The following MARK2 variants were observed in gnomAD, a reference collection of about 807,000 sequenced individuals.
MARK2 encodes microtubule affinity regulating kinase 2, also known as serine/threonine-protein kinase MARK2.
In MARK2, 16 loss-of-function variants were observed where a neutral mutation model predicts 89.8. The observed-to-expected ratio is 0.18, with a 90% confidence interval of 0.12 to 0.27. The LOEUF is 0.27. Ranked by LOEUF, MARK2 falls within the 10% of genes least tolerant of loss-of-function variation. The pLI is 1.00. For synonymous variants in MARK2, 382 were observed against 399.5 expected (o/e 0.96, Z 0.52); for missense variants, 621 against 1,049.9 (o/e 0.59, Z 5.65).
At chr11:63,866,841 G>A (rs1938162343) in intron 1 of MARK2, among the ~76,000 whole-genome samples, 1 of 152,080 alleles carries the variant, frequency 6.6e-6, no homozygotes, top group South Asian at 2.1e-4. Context: ...CAGAAGACTG[G>A]GGCCTTAATC....
intron 17 of MARK2, 98 bp from the exon 18 acceptor site, chr11:63,908,162 C>T (rs1017488887): frequency 1.2e-5 from 13 of 1,129,304 alleles, no homozygotes; most frequent in Non-Finnish European, 1.6e-5. Context: ...TGCCCACCCA[C>T]TGGTGGCACC....
chr11:63,850,142 T>TTTTG (rs528089906), intron 1 of MARK2: 1 of 125,556 alleles, frequency 8.0e-6, no homozygotes, highest in African/African-American at 3.5e-5. Flanking sequence ...ATTTCTGTTT[T>TTTTG]TTTGTTTGTT....
chr11:63,903,494 G>A lies in MARK2; in HGVS notation c.1514+336G>A. 2.7e-6 allele frequency: 1 copy of A among 375,066 alleles called. No homozygotes were observed. Among genetic ancestry groups the A allele is most frequent in the Non-Finnish European group, 5.0e-6 (1 of 199,730 alleles). The allele number at this position is 375,066 out of a possible 1,614,324, so 23.2% of individuals were successfully genotyped here. A position where few individuals can be genotyped will look rare whatever the true frequency, so the allele number is the denominator to read the frequency against. ...CTTGTGTTGGGGGTCCCAGCTCAGG[G>A]CAGAACCAAGAGATGCCCACCTTGA... On this transcript the variant is annotated intron_variant, in intron 14 of 18. Transcript: ENST00000402010. This position sits in a 1 kb window ranked among gnomAD's most constrained non-coding sequence, Gnocchi z 5.1.
Position 63,900,771 on chromosome 11 carries a change from G to C in MARK2, c.889-9G>C. On this transcript the variant is annotated splice_polypyrimidine_tract_variant and intron_variant, in intron 9 of 18. Transcript: ENST00000402010. This position sits in a 1 kb window ranked among gnomAD's most constrained non-coding sequence, Gnocchi z 4.7. ...TCCCCCTGCCCTTTTCCTTCTCTGTGCTCCCCAGCAAATCATGAAAGATCG... is the reference window on the plus strand; with the variant it reads ...TCCCCCTGCCCTTTTCCTTCTCTGTCCTCCCCAGCAAATCATGAAAGATCG... The C allele has an allele frequency of 1.9e-6, 3 of 1,613,998 alleles. No individual in the cohort carries two copies. The highest frequency in any genetic ancestry group is 2.5e-6 in the Non-Finnish European group (3 of 1,179,876).
intron 1 of MARK2, among the ~76,000 whole-genome samples, chr11:63,840,117 A>C (rs2015934191): frequency 6.6e-6 from 1 of 151,752 alleles, no homozygotes; most frequent in African/African-American, 2.4e-5. Flanking sequence ...CGTTTTCCAA[A>C]TTGTGCTCTC....
chr11:63,859,728 T>C lies in MARK2; in HGVS notation c.54+20168T>C, dbSNP rs1937638436. Among the ~76,000 whole-genome samples, 3 of 152,182 alleles carry C rather than the reference T, an allele frequency of 2.0e-5. No homozygotes were observed. The South Asian group carries it at 6.2e-4, about 32-fold the overall frequency. On this transcript the variant is annotated intron_variant, in intron 1 of 18. Coordinates refer to ENST00000402010, the MANE Select transcript of MARK2 (RefSeq NM_001039469.3). The stretch of plus-strand genomic sequence containing the variant: ...CTCACTGCAGCCTCCACCTCCCAGA[T>C]TCAAGCAAATCTCCTGCCTCGGCCT...
chr11:63,857,228 A>G (rs577141943), intron 1 of MARK2, among the ~76,000 whole-genome samples: 10 of 152,204 alleles, frequency 6.6e-5, no homozygotes, highest in African/African-American at 2.2e-4. Context: ...GTGTGGTGGC[A>G]CGATGTTGGC....
chr11:63,867,614 A>C (rs1432788445), intron 1 of MARK2, among the ~76,000 whole-genome samples: 1 of 152,154 alleles, frequency 6.6e-6, no homozygotes, highest in African/African-American at 2.4e-5. Flanking sequence ...AGCGCTTCTC[A>C]TGTCACCTTT....
chr11:63,874,649 C>T lies in MARK2; in HGVS notation c.55-20510C>T, dbSNP rs967865327. On this transcript the variant is annotated intron_variant, in intron 1 of 18. Transcript: ENST00000402010. Reference sequence around the variant, plus strand: ...CTATGCTGTGTTGCCAATGCTTGCCCTGTGCGCAGGGTTTGCCCCCTCCCC... The same window carrying T: ...CTATGCTGTGTTGCCAATGCTTGCCTTGTGCGCAGGGTTTGCCCCCTCCCC... Among the ~76,000 whole-genome samples the T allele has an allele frequency of 2.0e-5, 3 of 152,310 alleles. No homozygotes were observed. In the South Asian group the frequency reaches 6.2e-4, roughly 32 times the overall value.
In MARK2 at chr11:63,888,935, CT is replaced by C. The variant is rs776321495; in HGVS notation, c.55-6223del. 2.2e-6 allele frequency: 3 copies of C among 1,351,460 alleles called. No homozygotes were observed. The South Asian group carries it at 3.4e-5, about 15-fold the overall frequency. The allele number at this position is 1,351,460 out of a possible 1,614,324, so 83.7% of individuals were successfully genotyped here. A position where few individuals can be genotyped will look rare whatever the true frequency, so the allele number is the denominator to read the frequency against. On this transcript the variant is annotated intron_variant, in intron 1 of 18. Transcript: ENST00000402010. ...TGTGGGCTCTGCTGAATGGAAGTCGCTGGTAGTCCTTTTCCCTTTCTCCAGT... is the reference window on the plus strand; with the variant it reads ...TGTGGGCTCTGCTGAATGGAAGTCGCGGTAGTCCTTTTCCCTTTCTCCAGT...
At chr11:63,907,584 G>GCCCCA (rs1941446742) in intron 17 of MARK2, among the ~76,000 whole-genome samples, 2 of 150,028 alleles carry the variant, frequency 1.3e-5, no homozygotes, top group Non-Finnish European at 1.5e-5. Context: ...GCCCTGCCCT[G>GCCCCA]CCCCACCCCA....
At chr11:63,845,707 T>A (rs952250385) in intron 1 of MARK2, among the ~76,000 whole-genome samples, 6 of 152,154 alleles carry the variant, frequency 3.9e-5, no homozygotes, top group Admixed American at 1.3e-4. Flanking sequence ...CTTTTTGTTA[T>A]AGGCCATTGA....
chr11:63,886,448 A>G (rs1939402462), intron 1 of MARK2, among the ~76,000 whole-genome samples: 1 of 151,018 alleles, frequency 6.6e-6, no homozygotes, highest in Non-Finnish European at 1.5e-5. Flanking sequence ...TTTTTGAGAC[A>G]GAGTCTCACT....
chr11:63,867,797 C>T (rs974937778), intron 1 of MARK2, among the ~76,000 whole-genome samples: 2 of 152,156 alleles, frequency 1.3e-5, no homozygotes, highest in Non-Finnish European at 2.9e-5. Context: ...AAAGCCAGGT[C>T]CTAGCTGGAA....
intron 1 of MARK2, among the ~76,000 whole-genome samples, chr11:63,862,049 G>A (rs1380761106): frequency 6.6e-6 from 1 of 150,482 alleles, no homozygotes; most frequent in Non-Finnish European, 1.5e-5. Flanking sequence ...TCTGCCTCCC[G>A]AGTAGCTGGG....
Position 63,854,382 on chromosome 11 carries a change from T to G in MARK2, c.54+14822T>G, listed in dbSNP as rs1242972210. Among the ~76,000 whole-genome samples the G allele has an allele frequency of 7.4e-5, 11 of 147,802 alleles. 1 individual carries two copies. The highest frequency in any genetic ancestry group is 7.5e-5 in the Non-Finnish European group (5 of 66,692). On this transcript the variant is annotated intron_variant, in intron 1 of 18. Coordinates refer to ENST00000402010, the MANE Select transcript of MARK2 (RefSeq NM_001039469.3). The stretch of plus-strand genomic sequence containing the variant: ...GCCTGGCTAGTTTTTCTATTTGTTT[T>G]TTTTTTTTTTTTTTGGTAGAGACAG...
intron 1 of MARK2, among the ~76,000 whole-genome samples, chr11:63,886,122 C>CGA: frequency 6.7e-6 from 1 of 148,878 alleles, no homozygotes; most frequent in South Asian, 2.2e-4. Context: ...GAGTGAGACT[C>CGA]TATCTCAAAA....
intron 3 of MARK2, 39 bp from the exon 4 acceptor site, chr11:63,898,193 A>G (rs1940577786): frequency 1.3e-6 from 2 of 1,588,724 alleles, no homozygotes; most frequent in Admixed American, 1.7e-5. Context: ...TGATGGGAGC[A>G]AGTTGGGCAG....
chr11:63,874,522 G>A, intron 1 of MARK2, among the ~76,000 whole-genome samples: 1 of 152,110 alleles, frequency 6.6e-6, no homozygotes, highest in Non-Finnish European at 1.5e-5. Context: ...GTGCCTCAAG[G>A]TCACTTGATC....
Sources: gnomAD v4.1 joint callset for allele counts (sites outside exome capture counted in the v4.1 genomes callset) on GRCh38, gnomAD v4.1.1 for gene constraint, Gnocchi (gnomAD v3.1) non-coding constraint, MANE v1.5 for transcripts, NCBI Gene and HGNC (gene_info 2026-07-23, HGNC 2026-07-21) for gene names.